TMEM182: variants seen among roughly 807,000 people sequenced by gnomAD.
TMEM182 encodes transmembrane protein 182.
Under a neutral mutation model 26.8 loss-of-function variants are expected in TMEM182, and 20 were observed. That is an observed-to-expected ratio of 0.75 (90% CI 0.53 to 1.09). The LOEUF is 1.09. Among genes scored for constraint, TMEM182 ranks in the 50% least tolerant of loss-of-function variants. The probability of loss-of-function intolerance (pLI) is 0.00; values close to 1 mark genes in which losing one functional copy is unlikely to be tolerated. For missense variants in TMEM182, 277 were observed against 275.5 expected, an observed-to-expected ratio of 1.01 and a Z score of -0.04; for synonymous variants, 109 against 102.2, an observed-to-expected ratio of 1.07 and a Z score of -0.40.
chr2:102,814,063 A>G (rs1229030834), intron 4 of TMEM182, among the ~76,000 whole-genome samples: 1 of 149,980 alleles, frequency 6.7e-6, no homozygotes, highest in Non-Finnish European at 1.5e-5. Flanking sequence ...TGTTTTCTCT[A>G]TGCTGTAATC....
intron 3 of TMEM182, among the ~76,000 whole-genome samples, chr2:102,787,768 A>G (rs1260854181): frequency 2.0e-5 from 3 of 152,230 alleles, no homozygotes; most frequent in Admixed American, 6.5e-5. Flanking sequence ...ATGACTAGTG[A>G]TAGTGGATTC....
rs1011180312 is a variant in TMEM182, at chr2:102,775,747, A to G, written c.331+11320A>G. On this transcript the variant is annotated intron_variant, in intron 3 of 4. Transcript: ENST00000412401. ...ACAAGCATTCTTATACACCAACAAC[A>G]GACAAACAGAGAGCCAAATCATGAG... Among the ~76,000 whole-genome samples, 5 of 152,288 alleles carry G rather than the reference A, an allele frequency of 3.3e-5. No individual in the cohort carries two copies. In the East Asian group the frequency reaches 9.7e-4, roughly 29 times the overall value.
chr2:102,751,039 T>A (rs1370768055), intron 1 of TMEM182, among the ~76,000 whole-genome samples: 2 of 152,192 alleles, frequency 1.3e-5, no homozygotes, highest in Non-Finnish European at 2.9e-5. Context: ...TCTCTGGTTT[T>A]GAAGCCACGT....
chr2:102,768,228 T>C (rs1680531161), intron 3 of TMEM182, among the ~76,000 whole-genome samples: 1 of 152,178 alleles, frequency 6.6e-6, no homozygotes, highest in Non-Finnish European at 1.5e-5. Context: ...GGGAGTCTTG[T>C]ATGTTTGACT....
downstream of TMEM182, among the ~76,000 whole-genome samples, chr2:102,817,845 TA>T (rs35715047): frequency 0.089 from 13,469 of 151,622 alleles, 865 homozygotes; most frequent in African/African-American, 0.17. Flanking sequence ...CTAAGCAAGT[TA>T]AAAAAAAATC....
At chr2:102,765,789 A>G (rs558100790) in intron 3 of TMEM182, among the ~76,000 whole-genome samples, 4 of 152,328 alleles carry the variant, frequency 2.6e-5, no homozygotes, top group Admixed American at 2.6e-4. Context: ...TTGGGTTCGA[A>G]GGACTGGGAC....
chr2:102,758,082 T>A (rs1035059134), upstream of TMEM182, among the ~76,000 whole-genome samples: 1 of 152,120 alleles, frequency 6.6e-6, no homozygotes, highest in Non-Finnish European at 1.5e-5. Context: ...GTGATAACCT[T>A]ATCAATGTAA....
At chr2:102,762,027 A>C, upstream of TMEM182, 4 of 490,442 alleles carry the variant, frequency 8.2e-6, no homozygotes, top group East Asian at 3.9e-5. Context: ...AGCAAAGGGA[A>C]TATGAATCTG....
intron 3 of TMEM182, among the ~76,000 whole-genome samples, chr2:102,823,207 A>G (rs1214008017): frequency 6.6e-6 from 1 of 152,230 alleles, no homozygotes; most frequent in Non-Finnish European, 1.5e-5. Flanking sequence ...GATTTTCTAG[A>G]TAAGCATTTG....
Position 102,816,810 on chromosome 2 carries a change from T to C in TMEM182, c.*1842T>C. ...CATGTCATCTGTAAATACAATTCTT[T>C]TTTGTAGTACTTTGGAATGGAGCCT... On this transcript the variant is annotated 3_prime_UTR_variant, in exon 5 of 5. Coordinates refer to ENST00000412401, the MANE Select transcript of TMEM182 (RefSeq NM_144632.5). 2 of 985,846 alleles carry C rather than the reference T, an allele frequency of 2.0e-6. No individual in the cohort carries two copies. The highest frequency in any genetic ancestry group is 2.4e-6 in the Non-Finnish European group (2 of 829,930). The allele number at this position is 985,846 out of a possible 1,614,324, so 61.1% of individuals were successfully genotyped here.
chr2:102,739,133 G>C (rs1460219543), intron 1 of TMEM182, among the ~76,000 whole-genome samples: 2 of 152,128 alleles, frequency 1.3e-5, no homozygotes, highest in East Asian at 3.9e-4. Flanking sequence ...GATTATATGA[G>C]GAAAAGATTT....
At chr2:102,757,272 AG>A (rs1680071105), upstream of TMEM182, 1 of 152,234 alleles carries the variant, frequency 6.6e-6, no homozygotes, top group Non-Finnish European at 1.5e-5. Flanking sequence ...GAGCACAGGG[AG>A]GACAGGCTGA....
At chr2:102,810,645 C>A (rs1682522006) in intron 4 of TMEM182, among the ~76,000 whole-genome samples, 1 of 152,124 alleles carries the variant, frequency 6.6e-6, no homozygotes, top group Non-Finnish European at 1.5e-5. Context: ...TATCTTTCTG[C>A]AGTTTCACTG....
intron 3 of TMEM182, among the ~76,000 whole-genome samples, chr2:102,828,698 G>A (rs1683091468): frequency 6.6e-6 from 1 of 152,110 alleles, no homozygotes; most frequent in Admixed American, 6.5e-5. Context: ...CTCTGACCAA[G>A]TCTCCACACT....
chr2:102,840,508 T>C (rs1683328616), intron 3 of TMEM182, among the ~76,000 whole-genome samples: 1 of 152,074 alleles, frequency 6.6e-6, no homozygotes, highest in Non-Finnish European at 1.5e-5. Context: ...ACACCGGCGT[T>C]AGTGGGTCAG....
intron 3 of TMEM182, among the ~76,000 whole-genome samples, chr2:102,829,834 T>C (rs1189336030): frequency 6.6e-6 from 1 of 152,196 alleles, no homozygotes; most frequent in Non-Finnish European, 1.5e-5. Context: ...TCACATATTT[T>C]GCTTGACCAC....
upstream of TMEM182, among the ~76,000 whole-genome samples, chr2:102,761,038 G>T (rs1680197637): frequency 6.6e-6 from 1 of 152,192 alleles, no homozygotes; most frequent in African/African-American, 2.4e-5. Flanking sequence ...CGTGAAGAAA[G>T]CTGGTAGAGT....
At chr2:102,763,765 C>T (rs1422942062) in intron 2 of TMEM182, among the ~76,000 whole-genome samples, 3 of 152,104 alleles carry the variant, frequency 2.0e-5, no homozygotes, top group Non-Finnish European at 4.4e-5. Context: ...ATATTTCAGT[C>T]CACCTTAAAG....
chr2:102,840,437 T>G (rs948060616), intron 3 of TMEM182, among the ~76,000 whole-genome samples: 1 of 152,128 alleles, frequency 6.6e-6, no homozygotes, highest in Non-Finnish European at 1.5e-5. Flanking sequence ...CTAGACTTGG[T>G]GAATGCACCA....
Sources: allele counts gnomAD v4.1 joint callset (sites outside exome capture counted in the v4.1 genomes callset), GRCh38; gene constraint gnomAD v4.1.1; transcripts MANE v1.5; gene names NCBI Gene and HGNC (gene_info 2026-07-23, HGNC 2026-07-21).